Variants in SGK3 observed in about 807,000 individuals in gnomAD.
SGK3 encodes the protein serum/glucocorticoid regulated kinase family member 3.
A neutral mutation model predicts 68.5 loss-of-function variants in SGK3; 47 were observed. The ratio of observed to expected loss-of-function variants is 0.69; its 90% CI spans 0.54 to 0.87. The LOEUF is 0.87. Ranked by LOEUF, SGK3 falls within the 40% of genes least tolerant of loss-of-function variation. The probability of loss-of-function intolerance (pLI) is 0.00; values close to 1 mark genes in which losing one functional copy is unlikely to be tolerated. For missense variants in SGK3, 479 were observed against 575.5 expected (o/e 0.83, Z 1.72); for synonymous variants, 181 against 189.1 (o/e 0.96, Z 0.35).
At chr8:66,758,000 C>CACACACACT (rs763129544) in intron 1 of SGK3, among the ~76,000 whole-genome samples, 19 of 141,260 alleles carry the variant, frequency 1.3e-4, no homozygotes, top group African/African-American at 4.2e-4. Context: ...TATATATATA[C>CACACACACT]ACACACACAC....
chr8:66,838,987 A>T (rs1809656258), intron 10 of SGK3, among the ~76,000 whole-genome samples: 1 of 152,172 alleles, frequency 6.6e-6, no homozygotes, highest in African/African-American at 2.4e-5. Flanking sequence ...CGATTTCCTG[A>T]GTCAAAATTG....
intron 1 of SGK3, among the ~76,000 whole-genome samples, chr8:66,718,348 AATAG>A (rs767436035): frequency 6.6e-6 from 1 of 151,902 alleles, no homozygotes; most frequent in Non-Finnish European, 1.5e-5. Flanking sequence ...TCTAACCAAA[AATAG>A]ATAGAGGTTA....
intron 6 of SGK3, among the ~76,000 whole-genome samples, chr8:66,825,795 GT>G (rs1266799657): frequency 6.6e-6 from 1 of 152,134 alleles, no homozygotes; most frequent in Non-Finnish European, 1.5e-5. Flanking sequence ...GTGACTAGAT[GT>G]TGTCTTCAAA....
At chr8:66,762,494 C>T (rs1024934945) in intron 1 of SGK3, among the ~76,000 whole-genome samples, 1 of 151,790 alleles carries the variant, frequency 6.6e-6, no homozygotes, top group Non-Finnish European at 1.5e-5. Flanking sequence ...TCCAGCCTGG[C>T]GATGGAGTGA....
chr8:66,816,892 G>A (rs575235478), intron 5 of SGK3, among the ~76,000 whole-genome samples: 8 of 152,178 alleles, frequency 5.3e-5, no homozygotes, highest in African/African-American at 7.2e-5. Flanking sequence ...GTGCAGTGGC[G>A]TGATCTCGGC....
In SGK3 at chr8:66,850,921, G is replaced by C; in HGVS notation, c.1320+1G>C. ...TCCACCACCATTTAATCCTAATGTG[G>C]TAAGTATATATCCAAATCTTTCTTT... On this transcript the variant is annotated splice_donor_variant, in intron 16 of 16. Transcript: ENST00000521198. LOFTEE classifies it high-confidence loss of function. 1.2e-6 allele frequency: 2 copies of C among 1,607,898 alleles called. No individual in the cohort carries two copies. The highest frequency in any genetic ancestry group is 1.7e-6 in the Non-Finnish European group (2 of 1,176,534).
intron 1 of SGK3, among the ~76,000 whole-genome samples, chr8:66,725,276 C>A (rs1804950334): frequency 6.6e-6 from 1 of 151,970 alleles, no homozygotes; most frequent in South Asian, 2.1e-4. Context: ...TGGTGGGCGC[C>A]TGTAATCCCA....
At chr8:66,781,283 C>G (rs973822890) in intron 1 of SGK3, among the ~76,000 whole-genome samples, 6 of 152,200 alleles carry the variant, frequency 3.9e-5, no homozygotes, top group African/African-American at 1.4e-4. Flanking sequence ...GGTTCTGGAC[C>G]AAGTGGAGGG....
chr8:66,850,363 A>T (rs1810229088), intron 15 of SGK3, among the ~76,000 whole-genome samples: 2 of 152,146 alleles, frequency 1.3e-5, no homozygotes, highest in African/African-American at 2.4e-5. Context: ...CCTGAGTGGG[A>T]TATTTTTTTA....
intron 1 of SGK3, chr8:66,767,452 A>G (rs749143338): frequency 3.5e-6 from 5 of 1,414,178 alleles, no homozygotes; most frequent in Middle Eastern, 1.8e-4. Flanking sequence ...GGTCAACAGA[A>G]TGCTTAAAGG....
chr8:66,842,772 T>G (rs1809848088), intron 13 of SGK3, among the ~76,000 whole-genome samples: 1 of 152,224 alleles, frequency 6.6e-6, no homozygotes, highest in African/African-American at 2.4e-5. Context: ...TTATAATTGC[T>G]ACATTAAGTA....
intron 4 of SGK3, among the ~76,000 whole-genome samples, chr8:66,804,953 C>T (rs1808090016): frequency 6.6e-6 from 1 of 152,056 alleles, no homozygotes. Context: ...GTGGCGTGCA[C>T]CTGTAGTCCC....
chr8:66,823,500 T>A (rs974957804), intron 6 of SGK3, among the ~76,000 whole-genome samples: 6 of 151,300 alleles, frequency 4.0e-5, no homozygotes, highest in African/African-American at 1.2e-4. Context: ...CAGGTTCAAG[T>A]GATTCTCCTG....
intron 8 of SGK3, among the ~76,000 whole-genome samples, chr8:66,833,160 C>T (rs548517316): frequency 3.3e-5 from 5 of 152,040 alleles, no homozygotes; most frequent in African/African-American, 9.7e-5. Flanking sequence ...CACACGCCAC[C>T]GTGTCTGGCT....
intron 6 of SGK3, 43 bp downstream of exon 6, chr8:66,822,502 C>G: frequency 6.3e-7 from 1 of 1,579,256 alleles, no homozygotes; most frequent in Non-Finnish European, 8.6e-7. Context: ...AAATACTATT[C>G]CAAAGGTGAA....
chr8:66,752,099 G>A (rs1374603262), intron 1 of SGK3, among the ~76,000 whole-genome samples: 1 of 152,110 alleles, frequency 6.6e-6, no homozygotes, highest in East Asian at 1.9e-4. Context: ...ATCTTTGAAG[G>A]ACTATAATGT....
At chr8:66,801,262 T>C (rs779366714) in intron 3 of SGK3, among the ~76,000 whole-genome samples, 4 of 152,184 alleles carry the variant, frequency 2.6e-5, no homozygotes, top group Non-Finnish European at 4.4e-5. Context: ...CAAAAAGTTA[T>C]TGGTTTTGGA....
At chr8:66,842,037 A>T (rs1195122642) in intron 13 of SGK3, among the ~76,000 whole-genome samples, 1 of 152,160 alleles carries the variant, frequency 6.6e-6, no homozygotes, top group Non-Finnish European at 1.5e-5. Context: ...AAACTTAACT[A>T]AAAGTATCTC....
At chr8:66,842,147 A>T (rs1276475696) in intron 13 of SGK3, among the ~76,000 whole-genome samples, 1 of 151,792 alleles carries the variant, frequency 6.6e-6, no homozygotes, top group Non-Finnish European at 1.5e-5. Flanking sequence ...TGGTTTCTGG[A>T]TGAAGAAACA....
Sources: allele counts gnomAD v4.1 joint callset (sites outside exome capture counted in the v4.1 genomes callset), GRCh38; gene constraint gnomAD v4.1.1; transcripts MANE v1.5; gene names NCBI Gene and HGNC (gene_info 2026-07-23, HGNC 2026-07-21).